Variants in ENOX2 observed in about 807,000 individuals in gnomAD.
The protein encoded by ENOX2 is ecto-NOX disulfide-thiol exchanger 2, also known as APK1 antigen.
Under a neutral mutation model 45.0 loss-of-function variants are expected in ENOX2, and 36 were observed. The observed-to-expected ratio is 0.80, with a 90% CI of 0.61 to 1.06. The LOEUF (loss-of-function observed/expected upper bound fraction) is 1.06, where lower values mean the gene tolerates loss of function less well. Among genes scored for constraint, ENOX2 ranks in the 50% least tolerant of loss-of-function variants. The pLI is 0.00. For missense variants in ENOX2, 423 were observed against 462.5 expected, an observed-to-expected ratio of 0.91 and a Z score of 0.78; for synonymous variants, 174 against 152.3, an observed-to-expected ratio of 1.14 and a Z score of -1.05.
chrX:130,623,384 T>A lies in ENOX2; in HGVS notation c.*1930A>T, dbSNP rs994556908. Reference sequence around the variant, plus strand: ...GTTTGATTTTTTTTCTTTTATTTTTTAAGTAAGTTCCGGGGTACATGTGCA... The same window carrying A: ...GTTTGATTTTTTTTCTTTTATTTTTAAAGTAAGTTCCGGGGTACATGTGCA... On this transcript the variant is annotated 3_prime_UTR_variant, in exon 15 of 15. Coordinates refer to ENST00000394363, the MANE Select transcript of ENOX2 (RefSeq NM_006375.4). The A allele has an allele frequency of 9.0e-6, 1 of 110,663 alleles. No individual in the cohort carries two copies. The highest frequency in any genetic ancestry group is 3.3e-5 in the African/African-American group (1 of 30,357). The allele number at this position is 110,663 out of a possible 1,213,427, so 9.1% of individuals were successfully genotyped here. A position where few individuals can be genotyped will look rare whatever the true frequency, so the allele number is the denominator to read the frequency against.
chrX:130,637,117 A>G, intron 11 of ENOX2, 112 bp downstream of exon 11: 4 of 618,111 alleles, frequency 6.5e-6, no homozygotes, highest in Non-Finnish European at 1.1e-5. Context: ...AGATAATATT[A>G]CATCAAGAAG....
chrX:130,645,694 C>CA (rs1275494518), intron 10 of ENOX2: 2 of 609,762 alleles, frequency 3.3e-6, no homozygotes, highest in African/African-American at 4.5e-5. Context: ...TTTCATGCCC[C>CA]AGCAGCCGCG....
At chrX:130,866,766 C>A (rs1437426959) in intron 2 of ENOX2, among the ~76,000 whole-genome samples, 1 of 111,112 alleles carries the variant, frequency 9.0e-6, no homozygotes, top group East Asian at 2.8e-4. Context: ...CATATTTTTC[C>A]ATATTTTGCT....
Position 130,688,898 on chromosome X carries a change from T to C in ENOX2, c.218A>G (p.His73Arg), listed in dbSNP as rs2037517723. 8.3e-7 allele frequency: 1 copy of C among 1,202,320 alleles called. No homozygotes were observed. Among genetic ancestry groups the C allele is most frequent in the Non-Finnish European group, 1.1e-6 (1 of 887,850 alleles). ...AGGGAAGAGCGTGCAGCTTTTACAG[T>C]GTATGATCTCTTTTACTACTGGCAT... ...PDMPVVKEII[H>R]CKSCTLFPPN... is the part of the protein sequence containing the mutation. The change falls in exon 5 of 15, where the codon CAC becomes CGC. Residue 73 changes from histidine (H) to arginine (R), a missense_variant. Transcript: ENST00000394363.
chrX:130,635,917 C>G (rs1380419853), intron 11 of ENOX2, among the ~76,000 whole-genome samples: 1 of 112,385 alleles, frequency 8.9e-6, no homozygotes, highest in Non-Finnish European at 1.9e-5. Context: ...AGACCTAATT[C>G]TCACTGAGGT....
chrX:130,812,247 A>C (rs1391717769), intron 2 of ENOX2, among the ~76,000 whole-genome samples: 1 of 111,867 alleles, frequency 8.9e-6, no homozygotes, highest in Non-Finnish European at 1.9e-5. Context: ...TCCAAAAAAG[A>C]CTATACTCAG....
At chrX:130,697,698 A>G (rs1165370970) in intron 4 of ENOX2, among the ~76,000 whole-genome samples, 1 of 111,957 alleles carries the variant, frequency 8.9e-6, no homozygotes, top group Non-Finnish European at 1.9e-5. Context: ...GCTTCAGTGA[A>G]TATTTCTTGT....
At chrX:130,646,879 AG>A (rs1424111309) in intron 10 of ENOX2, among the ~76,000 whole-genome samples, 3 of 112,556 alleles carry the variant, frequency 2.7e-5, no homozygotes, top group Non-Finnish European at 5.6e-5. Context: ...TTTGTCTTTT[AG>A]GACATGGATG....
At chrX:130,733,536 T>C (rs1202921824) in intron 3 of ENOX2, among the ~76,000 whole-genome samples, 2 of 112,252 alleles carry the variant, frequency 1.8e-5, no homozygotes, top group Non-Finnish European at 3.8e-5. Flanking sequence ...ACTTTATTTA[T>C]AATAGCAAAA....
chrX:130,871,749 A>C, intron 2 of ENOX2, among the ~76,000 whole-genome samples: 1 of 111,330 alleles, frequency 9.0e-6, no homozygotes, highest in Non-Finnish European at 1.9e-5. Flanking sequence ...GAAAGAGATA[A>C]GGAGATGCAC....
intron 13 of ENOX2, among the ~76,000 whole-genome samples, chrX:130,629,568 C>T (rs1485742525): frequency 8.9e-6 from 1 of 112,665 alleles, no homozygotes; most frequent in Non-Finnish European, 1.9e-5. Context: ...AGTTGGAAGA[C>T]GTTAATAAGT....
intron 2 of ENOX2, among the ~76,000 whole-genome samples, chrX:130,878,646 T>C (rs2078750544): frequency 8.9e-6 from 1 of 112,102 alleles, no homozygotes; most frequent in Non-Finnish European, 1.9e-5. Context: ...CTTTTCCATT[T>C]CAAGCATCTC....
intron 5 of ENOX2, among the ~76,000 whole-genome samples, chrX:130,682,583 C>CAAAAAAAAAAAAAAA (rs55875735): frequency 2.7e-4 from 4 of 14,659 alleles, no homozygotes; most frequent in African/African-American, 8.1e-4. Context: ...GACTCCGTCT[C>CAAAAAAAAAAAAAAA]AAAAAAAAAA....
intron 2 of ENOX2, among the ~76,000 whole-genome samples, chrX:130,861,721 T>G (rs1322760529): frequency 9.0e-6 from 1 of 111,426 alleles, no homozygotes; most frequent in Non-Finnish European, 1.9e-5. Flanking sequence ...ATAGTGCCTA[T>G]AAGTTAACAA....
chrX:130,631,563 G>A lies in ENOX2; in HGVS notation c.1433C>T (p.Ser478Phe). Residue 478 changes from serine to phenylalanine, a missense_variant, in exon 13 of 15, where the codon TCT becomes TTT. By Grantham distance (155) the Ser-to-Phe change is radical. Around this residue, in one of 5 missense-constraint regions of ENOX2, gnomAD observed 108 missense variants for 70.6 expected, o/e 1.53. Transcript: ENST00000394363. ...ENLKEKESCA[S>F]RLCASNQDSE... The stretch of plus-strand genomic sequence containing the variant: ...ATCCTGGTTTGAGGCACACAGCCTA[G>A]AAGCACAGCTTTCCTGTGGACACAA... 2.5e-6 allele frequency: 3 copies of A among 1,181,447 alleles called. No homozygotes were observed. The South Asian group carries it at 5.3e-5, about 21-fold the overall frequency.
intron 3 of ENOX2, among the ~76,000 whole-genome samples, chrX:130,722,157 C>A (rs192653670): frequency 9.0e-6 from 1 of 111,476 alleles, no homozygotes; most frequent in Admixed American, 9.5e-5. Context: ...AACGAGAGAG[C>A]CTGTGGTAAA....
At chrX:130,801,887 T>C (rs1162163489) in intron 2 of ENOX2, among the ~76,000 whole-genome samples, 1 of 111,883 alleles carries the variant, frequency 8.9e-6, no homozygotes, top group Non-Finnish European at 1.9e-5. Context: ...AATGTCTACT[T>C]TGAGGCAAGC....
chrX:130,764,662 C>G (rs964553040), intron 3 of ENOX2, among the ~76,000 whole-genome samples: 1 of 111,134 alleles, frequency 9.0e-6, no homozygotes, highest in African/African-American at 3.3e-5. Context: ...ACTGATTCAT[C>G]ATACACCTTA....
At chrX:130,663,616 T>G (rs1222153895) in intron 9 of ENOX2, among the ~76,000 whole-genome samples, 14 of 108,284 alleles carry the variant, frequency 1.3e-4, no homozygotes, top group Admixed American at 9.9e-4. Flanking sequence ...AAAAAGGCAA[T>G]GTACTGTCAC....
Sources: gnomAD v4.1 joint callset for allele counts (sites outside exome capture counted in the v4.1 genomes callset) on GRCh38, gnomAD v4.1.1 for gene constraint, gnomAD v4.1.1 regional missense constraint, MANE v1.5 for transcripts, NCBI Gene and HGNC (gene_info 2026-07-23, HGNC 2026-07-21) for gene names.